LRRC4C: variants seen among roughly 807,000 people sequenced by gnomAD.
The protein encoded by LRRC4C is leucine-rich repeat-containing protein 4C.
LRRC4C carries 5 observed loss-of-function variants against 33.6 expected under a neutral mutation model. The ratio of observed to expected loss-of-function variants is 0.15; its 90% CI spans 0.08 to 0.31. LRRC4C has a LOEUF of 0.31. Ranked by LOEUF, LRRC4C falls within the 10% of genes least tolerant of loss-of-function variation. LRRC4C has a pLI of 1.00. For synonymous variants in LRRC4C, 329 were observed against 302.0 expected, an observed-to-expected ratio of 1.09 and a Z score of -0.93; for missense variants, 560 against 796.7, an observed-to-expected ratio of 0.70 and a Z score of 3.58.
At chr11:41,042,428 T>C (rs1175552436) in intron 1 of LRRC4C, among the ~76,000 whole-genome samples, 2 of 152,188 alleles carry the variant, frequency 1.3e-5, no homozygotes, top group Non-Finnish European at 2.9e-5. Flanking sequence ...ATTTACAATG[T>C]TAAGTTGCTT....
chr11:41,388,538 C>T (rs1953453854), intron 1 of LRRC4C, among the ~76,000 whole-genome samples: 1 of 151,808 alleles, frequency 6.6e-6, no homozygotes, highest in Non-Finnish European at 1.5e-5. Context: ...TTGATAGACC[C>T]ATTTTGCTAA....
chr11:41,329,680 C>T (rs1255781504), intron 1 of LRRC4C, among the ~76,000 whole-genome samples: 2 of 152,218 alleles, frequency 1.3e-5, no homozygotes, highest in Non-Finnish European at 2.9e-5. Context: ...TCTAGTTACA[C>T]CCATTCTCTC....
At chr11:41,274,858 AC>A (rs1342881383) in intron 1 of LRRC4C, among the ~76,000 whole-genome samples, 1 of 152,128 alleles carries the variant, frequency 6.6e-6, no homozygotes, top group Non-Finnish European at 1.5e-5. Context: ...ACCGGAAGGA[AC>A]AAACTCCGGA....
chr11:40,961,627 T>C (rs1279313072), intron 1 of LRRC4C, among the ~76,000 whole-genome samples: 5 of 151,698 alleles, frequency 3.3e-5, no homozygotes, highest in African/African-American at 9.7e-5. Flanking sequence ...AGTGTGTCTA[T>C]ACAAGGTCTA....
intron 4 of LRRC4C, among the ~76,000 whole-genome samples, chr11:40,275,969 C>G (rs1483934640): frequency 6.6e-6 from 1 of 151,950 alleles, no homozygotes; most frequent in Non-Finnish European, 1.5e-5. Context: ...ATTACTTATG[C>G]AAAACAGGAT....
intron 2 of LRRC4C, among the ~76,000 whole-genome samples, chr11:40,809,861 A>G (rs1389660210): frequency 1.3e-5 from 2 of 152,126 alleles, no homozygotes; most frequent in South Asian, 4.1e-4. Context: ...CCTCATTTTG[A>G]CTTTCATTTT....
chr11:40,436,343 G>A (rs533861050), intron 3 of LRRC4C, among the ~76,000 whole-genome samples: 21 of 152,278 alleles, frequency 1.4e-4, no homozygotes, highest in African/African-American at 3.1e-4. Context: ...TAATGACAGC[G>A]TGATTATGGA....
chr11:41,371,456 A>G (rs1046081539), intron 1 of LRRC4C, among the ~76,000 whole-genome samples: 1 of 152,184 alleles, frequency 6.6e-6, no homozygotes, highest in African/African-American at 2.4e-5. Context: ...TTTTCGTGTT[A>G]GAAGTCAAAT....
At chr11:40,754,104 T>C (rs1166889026) in intron 2 of LRRC4C, among the ~76,000 whole-genome samples, 1 of 152,058 alleles carries the variant, frequency 6.6e-6, no homozygotes, top group Non-Finnish European at 1.5e-5. Flanking sequence ...TTCCACATAA[T>C]CATTTAATTT....
chr11:40,615,042 A>G (rs1321559412), intron 3 of LRRC4C, among the ~76,000 whole-genome samples: 1 of 150,262 alleles, frequency 6.7e-6, no homozygotes, highest in Non-Finnish European at 1.5e-5. Context: ...GTGCCAATAG[A>G]CTTGCCTTAT....
At chr11:40,905,187 G>T (rs1369558983) in intron 2 of LRRC4C, among the ~76,000 whole-genome samples, 1 of 152,136 alleles carries the variant, frequency 6.6e-6, no homozygotes, top group South Asian at 2.1e-4. Flanking sequence ...AAACTTGATT[G>T]TACCATATCT....
chr11:40,345,280 A>T (rs2137041322), intron 3 of LRRC4C, among the ~76,000 whole-genome samples: 1 of 152,274 alleles, frequency 6.6e-6, no homozygotes, highest in East Asian at 1.9e-4. Context: ...GAGGCATCAC[A>T]TTACCTGTCT....
chr11:40,801,510 T>C (rs867355081), intron 2 of LRRC4C, among the ~76,000 whole-genome samples: 2 of 152,218 alleles, frequency 1.3e-5, no homozygotes, highest in African/African-American at 2.4e-5. Context: ...CATGTGGGCA[T>C]GGACTGCACC....
chr11:41,159,658 T>A (rs1261441757), intron 1 of LRRC4C, among the ~76,000 whole-genome samples: 1 of 152,152 alleles, frequency 6.6e-6, no homozygotes, highest in Non-Finnish European at 1.5e-5. Flanking sequence ...AATTTACTAC[T>A]CGACTCTCAT....
intron 5 of LRRC4C, among the ~76,000 whole-genome samples, chr11:40,186,254 A>G (rs1192269207): frequency 2.0e-5 from 3 of 152,192 alleles, no homozygotes; most frequent in Non-Finnish European, 2.9e-5. Context: ...CTTACCCTGT[A>G]TCATAATTTT....
At chr11:40,953,763 C>A (rs1031913336) in intron 1 of LRRC4C, among the ~76,000 whole-genome samples, 1 of 151,882 alleles carries the variant, frequency 6.6e-6, no homozygotes, top group Non-Finnish European at 1.5e-5. Context: ...TTTAAGCCTT[C>A]TTGGCACTTT....
intron 1 of LRRC4C, among the ~76,000 whole-genome samples, chr11:41,057,989 T>C (rs1309026498): frequency 1.3e-5 from 2 of 152,176 alleles, no homozygotes. Flanking sequence ...AGGCTCCCCT[T>C]CATCTTGCTC....
chr11:40,816,097 T>C (rs1951695827), intron 2 of LRRC4C, among the ~76,000 whole-genome samples: 1 of 152,148 alleles, frequency 6.6e-6, no homozygotes, highest in African/African-American at 2.4e-5. Context: ...GTCCACCTGG[T>C]AAAGGAGTAA....
At chr11:41,140,184 T>C (rs184868073) in intron 1 of LRRC4C, among the ~76,000 whole-genome samples, 7 of 152,290 alleles carry the variant, frequency 4.6e-5, no homozygotes, top group African/African-American at 1.7e-4. Flanking sequence ...ATGTAGTAGA[T>C]GACAATGTTG....
Sources: allele counts gnomAD v4.1 joint callset (sites outside exome capture counted in the v4.1 genomes callset), GRCh38; gene constraint gnomAD v4.1.1; transcripts MANE v1.5; gene names NCBI Gene and HGNC (gene_info 2026-07-23, HGNC 2026-07-21).